Variants in ADAMTS19 observed in about 807,000 individuals in gnomAD.
ADAMTS19 encodes the protein ADAM metallopeptidase with thrombospondin type 1 motif 19, also known as A disintegrin and metalloproteinase with thrombospondin motifs 19.
A neutral mutation model predicts 153.3 loss-of-function variants in ADAMTS19; 93 were observed. That is an observed-to-expected ratio of 0.61 (90% CI 0.51 to 0.72). The LOEUF (loss-of-function observed/expected upper bound fraction) is 0.72, where lower values mean the gene tolerates loss of function less well. ADAMTS19 is among the 30% of genes least tolerant of loss of function. The pLI, the probability that ADAMTS19 is intolerant of heterozygous loss-of-function variation, is 0.00. For missense variants in ADAMTS19, 1,482 were observed against 1,552.1 expected (o/e 0.95, Z 0.76); for synonymous variants, 600 against 556.6 (o/e 1.08, Z -1.10).
intron 7 of ADAMTS19, among the ~76,000 whole-genome samples, chr5:129,592,247 G>A (rs1258511229): frequency 6.6e-6 from 1 of 151,828 alleles, no homozygotes; most frequent in Non-Finnish European, 1.5e-5. Context: ...GGGTATGGTG[G>A]CAGGTGCCTG....
intron 21 of ADAMTS19, among the ~76,000 whole-genome samples, chr5:129,734,687 T>C (rs1303073012): frequency 6.6e-6 from 1 of 152,034 alleles, no homozygotes; most frequent in East Asian, 1.9e-4. Context: ...TTCTTTATCC[T>C]TCTTTACTCT....
intron 3 of ADAMTS19, among the ~76,000 whole-genome samples, chr5:129,514,418 G>A (rs1751532890): frequency 6.6e-6 from 1 of 152,030 alleles, no homozygotes; most frequent in African/African-American, 2.4e-5. Flanking sequence ...GTGTACAAGG[G>A]TTCCCTTTTC....
At chr5:129,547,946 T>C (rs1198853787) in intron 6 of ADAMTS19, among the ~76,000 whole-genome samples, 1 of 150,832 alleles carries the variant, frequency 6.6e-6, no homozygotes, top group Non-Finnish European at 1.5e-5. Flanking sequence ...ATTTAATAAA[T>C]GGTGCTGGGA....
At chr5:129,544,399 C>CTA (rs1194568187) in intron 6 of ADAMTS19, among the ~76,000 whole-genome samples, 2 of 152,060 alleles carry the variant, frequency 1.3e-5, no homozygotes, top group African/African-American at 4.8e-5. Flanking sequence ...TGGCTTGTTT[C>CTA]TATATATATT....
chr5:129,699,678 C>T (rs1417381803), intron 19 of ADAMTS19, among the ~76,000 whole-genome samples: 1 of 152,046 alleles, frequency 6.6e-6, no homozygotes, highest in African/African-American at 2.4e-5. Context: ...AATGGAGAAG[C>T]CCTTCTAGGA....
At chr5:129,550,802 A>G (rs1394193616) in intron 6 of ADAMTS19, among the ~76,000 whole-genome samples, 9 of 151,574 alleles carry the variant, frequency 5.9e-5, no homozygotes, top group Non-Finnish European at 1.3e-4. Context: ...TCATTTATGT[A>G]CACACAAAAA....
At chr5:129,652,659 A>G (rs1753369356) in intron 13 of ADAMTS19, among the ~76,000 whole-genome samples, 1 of 152,188 alleles carries the variant, frequency 6.6e-6, no homozygotes, top group African/African-American at 2.4e-5. Flanking sequence ...AAGTCAGCAG[A>G]GTGTGTTGGC....
rs961489528 is a variant in ADAMTS19, at chr5:129,461,073, C to T, written c.92-29C>T. The stretch of plus-strand genomic sequence containing the variant: ...GCTACTGGAACCGCGGCACTTTAAG[C>T]CCCGCACTTCTGTCTGCCCCGCCCG... On this transcript the variant is annotated intron_variant, in intron 1 of 22. Coordinates refer to ENST00000274487, the MANE Select transcript of ADAMTS19 (RefSeq NM_133638.6). The surrounding 1 kb of genome is among the most constrained non-coding windows in gnomAD (Gnocchi z 4.6). The T allele has an allele frequency of 2.2e-6, 3 of 1,354,600 alleles. No homozygotes were observed. Among genetic ancestry groups the T allele is most frequent in the African/African-American group, 1.5e-5 (1 of 65,494 alleles). 83.9% of individuals were successfully genotyped at this position (1,354,600 alleles called of 1,614,324 possible).
In ADAMTS19 at chr5:129,557,390, GAGTTCGA is replaced by G. The variant is rs1262312955; in HGVS notation, c.1372+5485_1372+5491del. 4.6e-5 allele frequency among the ~76,000 whole-genome samples: 7 copies of G among 152,072 alleles called. No individual in the cohort carries two copies. In the East Asian group the frequency reaches 9.7e-4, roughly 21 times the overall value. On this transcript the variant is annotated intron_variant, in intron 7 of 22. Transcript: ENST00000274487. Reference sequence around the variant, plus strand: ...AGGCAGGCAGATTGCTTCAGGCCAGGAGTTCGAAACAAGCCTGGACAACATGGTGAAT... The same window carrying G: ...AGGCAGGCAGATTGCTTCAGGCCAGGAACAAGCCTGGACAACATGGTGAAT...
chr5:129,509,621 C>A (rs1449485714), intron 3 of ADAMTS19, among the ~76,000 whole-genome samples: 1 of 151,988 alleles, frequency 6.6e-6, no homozygotes, highest in Non-Finnish European at 1.5e-5. Flanking sequence ...GTGAAAGCAT[C>A]ATAGATATCT....
intron 16 of ADAMTS19, among the ~76,000 whole-genome samples, chr5:129,668,226 G>C (rs544896938): frequency 6.6e-6 from 1 of 151,916 alleles, no homozygotes; most frequent in African/African-American, 2.4e-5. Context: ...CTCTTATAAG[G>C]CCTCGTATTT....
intron 20 of ADAMTS19, among the ~76,000 whole-genome samples, chr5:129,703,367 A>G (rs1256643813): frequency 6.6e-6 from 1 of 152,118 alleles, no homozygotes; most frequent in Non-Finnish European, 1.5e-5. Flanking sequence ...AAGAATTTTG[A>G]ACCAAATTGT....
intron 16 of ADAMTS19, among the ~76,000 whole-genome samples, chr5:129,672,219 T>C (rs2127097966): frequency 6.6e-6 from 1 of 152,146 alleles, no homozygotes; most frequent in South Asian, 2.1e-4. Flanking sequence ...TCATGAAAAC[T>C]TCACTCTCAT....
At chr5:129,583,004 T>C (rs1299031083) in intron 7 of ADAMTS19, among the ~76,000 whole-genome samples, 1 of 152,294 alleles carries the variant, frequency 6.6e-6, no homozygotes, top group Non-Finnish European at 1.5e-5. Context: ...CTTCATAGTG[T>C]TGGTGATCTT....
chr5:129,509,059 T>C lies in ADAMTS19; in HGVS notation c.748-18T>C, dbSNP rs975181037. The C allele has an allele frequency of 2.6e-6, 4 of 1,527,252 alleles. No individual in the cohort carries two copies. The highest frequency in any genetic ancestry group is 3.5e-6 in the Non-Finnish European group (4 of 1,133,006). The allele number at this position is 1,527,252 out of a possible 1,614,324, so 94.6% of individuals were successfully genotyped here. On this transcript the variant is annotated intron_variant, in intron 2 of 22. Coordinates refer to ENST00000274487, the MANE Select transcript of ADAMTS19 (RefSeq NM_133638.6). ...CAAATGATATTTCTTACATATCTTT[T>C]TGTGTTATATATTCCAGATGGGATT...
intron 16 of ADAMTS19, among the ~76,000 whole-genome samples, chr5:129,669,753 A>G (rs1324985445): frequency 6.6e-6 from 1 of 152,046 alleles, no homozygotes. Context: ...GTGTCCCATA[A>G]GGTATGGCTT....
At chr5:129,570,814 T>C (rs898192442) in intron 7 of ADAMTS19, among the ~76,000 whole-genome samples, 3 of 151,770 alleles carry the variant, frequency 2.0e-5, no homozygotes, top group African/African-American at 7.3e-5. Context: ...CTAAAGAAAA[T>C]GCATGTTGAC....
intron 18 of ADAMTS19, among the ~76,000 whole-genome samples, chr5:129,689,232 C>A (rs1176636855): frequency 6.6e-6 from 1 of 152,126 alleles, no homozygotes; most frequent in East Asian, 1.9e-4. Context: ...CCAAGTCTGT[C>A]TAGCTTATGA....
intron 7 of ADAMTS19, among the ~76,000 whole-genome samples, chr5:129,594,583 TTTTC>T (rs2126915754): frequency 6.6e-6 from 1 of 152,256 alleles, no homozygotes; most frequent in East Asian, 1.9e-4. Context: ...TCCTTCTTTC[TTTTC>T]TTTCTTCCTG....
Sources: gnomAD v4.1 joint callset for allele counts (sites outside exome capture counted in the v4.1 genomes callset) on GRCh38, gnomAD v4.1.1 for gene constraint, Gnocchi (gnomAD v3.1) non-coding constraint, MANE v1.5 for transcripts, NCBI Gene and HGNC (gene_info 2026-07-23, HGNC 2026-07-21) for gene names.